Variants in KDM4C observed in about 807,000 individuals in gnomAD.
The protein encoded by KDM4C is lysine demethylase 4C, also known as lysine-specific demethylase 4C.
KDM4C carries 81 observed loss-of-function variants against 129.3 expected under a neutral mutation model. That is an observed-to-expected ratio of 0.63 (90% CI 0.52 to 0.75). The LOEUF is 0.75. KDM4C is among the 30% of genes least tolerant of loss of function. KDM4C has a pLI of 0.00. For missense variants in KDM4C, 1,457 were observed against 1,304.0 expected (o/e 1.12, Z -1.81); for synonymous variants, 573 against 456.1 (o/e 1.26, Z -3.26).
intron 2 of KDM4C, among the ~76,000 whole-genome samples, chr9:6,800,399 C>G (rs1295647683): frequency 6.6e-6 from 1 of 151,464 alleles, no homozygotes; most frequent in African/African-American, 2.4e-5. Flanking sequence ...ATTAACTGAG[C>G]GTAGGAGCAT....
chr9:6,833,251 T>A (rs572851958), intron 4 of KDM4C, among the ~76,000 whole-genome samples: 484 of 152,188 alleles, frequency 3.2e-3, no homozygotes, highest in Middle Eastern at 0.017. Context: ...CTATTTTTTT[T>A]AAAAAACAGA....
intron 5 of KDM4C, among the ~76,000 whole-genome samples, chr9:6,874,043 T>C (rs1843203347): frequency 6.6e-6 from 1 of 152,124 alleles, no homozygotes; most frequent in Non-Finnish European, 1.5e-5. Flanking sequence ...GGGCATGGTT[T>C]GTGGTGCCCC....
intron 1 of KDM4C, among the ~76,000 whole-genome samples, chr9:6,759,953 A>C (rs1198164447): frequency 1.5e-5 from 2 of 136,040 alleles, no homozygotes; most frequent in East Asian, 2.0e-4. Flanking sequence ...AAAAAAAAAA[A>C]AGTAAAAATA....
chr9:6,834,483 G>A (rs1329107383), intron 4 of KDM4C: 17 of 594,732 alleles, frequency 2.9e-5, no homozygotes, highest in Middle Eastern at 4.9e-4. Flanking sequence ...TACGCCCGTC[G>A]TCGACAACGG....
rs1379885763 is a variant in KDM4C, at chr9:6,834,841, C to A, written c.436-14666C>A. The A allele has an allele frequency of 3.6e-6, 5 of 1,381,992 alleles. No individual in the cohort carries two copies. The African/African-American group carries it at 4.3e-5, about 12-fold the overall frequency. 85.6% of individuals were successfully genotyped at this position (1,381,992 alleles called of 1,614,324 possible). ...AGATCATGTTTGAGACCTTCATCAC[C>A]CCAGCCATGTACATGGCCATCCAGC... is the stretch of plus-strand genomic sequence containing the variant. On this transcript the variant is annotated intron_variant, in intron 4 of 21. Coordinates refer to ENST00000381309, the MANE Select transcript of KDM4C (RefSeq NM_015061.6).
chr9:7,088,682 T>C (rs1435816156), intron 17 of KDM4C, among the ~76,000 whole-genome samples: 3 of 152,194 alleles, frequency 2.0e-5, no homozygotes, highest in Non-Finnish European at 2.9e-5. Context: ...GTATTCCGTA[T>C]GTGAGAGATT....
At chr9:6,856,508 G>A (rs1448751735) in intron 5 of KDM4C, among the ~76,000 whole-genome samples, 1 of 150,200 alleles carries the variant, frequency 6.7e-6, no homozygotes, top group Non-Finnish European at 1.5e-5. Flanking sequence ...ATAGGTTATT[G>A]ATTAGTTTTA....
intron 2 of KDM4C, 74 bp from the exon 3 acceptor site, chr9:6,805,525 T>C: frequency 9.9e-7 from 1 of 1,013,706 alleles, no homozygotes; most frequent in Non-Finnish European, 1.4e-6. Flanking sequence ...AGTTGTAGTT[T>C]ATCAGAATAC....
intron 8 of KDM4C, among the ~76,000 whole-genome samples, chr9:6,904,867 G>T (rs1446245621): frequency 6.6e-6 from 1 of 152,070 alleles, no homozygotes; most frequent in Non-Finnish European, 1.5e-5. Flanking sequence ...TTGTGGCAAT[G>T]GGAAATTAAA....
At chr9:6,766,791 G>A (rs887344435) in intron 1 of KDM4C, among the ~76,000 whole-genome samples, 14 of 151,314 alleles carry the variant, frequency 9.3e-5, no homozygotes, top group African/African-American at 3.4e-4. Flanking sequence ...TTAACCTGCT[G>A]GGCTTCCCTG....
At chr9:7,075,129 T>C (rs1044261455) in intron 17 of KDM4C, among the ~76,000 whole-genome samples, 4 of 152,200 alleles carry the variant, frequency 2.6e-5, no homozygotes, top group African/African-American at 9.7e-5. Flanking sequence ...GGGCATGATA[T>C]GCAGTCAGTC....
chr9:7,038,949 T>C (rs1389524062), intron 15 of KDM4C, among the ~76,000 whole-genome samples: 2 of 152,048 alleles, frequency 1.3e-5, no homozygotes, highest in Non-Finnish European at 2.9e-5. Context: ...AAAAATATTT[T>C]CCAGAAAACA....
chr9:7,164,167 G>A (rs376368832), intron 19 of KDM4C, among the ~76,000 whole-genome samples: 1 of 152,116 alleles, frequency 6.6e-6, no homozygotes, highest in African/African-American at 2.4e-5. Context: ...TAAAATACCA[G>A]TATTAGCAAA....
intron 19 of KDM4C, among the ~76,000 whole-genome samples, chr9:7,139,748 A>G (rs1024131082): frequency 1.3e-5 from 2 of 151,986 alleles, no homozygotes; most frequent in African/African-American, 4.8e-5. Context: ...CCTTTTTTCT[A>G]TATTATTTAT....
intron 8 of KDM4C, chr9:6,925,275 A>G (rs2890732): frequency 0.37 from 366,715 of 983,876 alleles, 69,605 homozygotes; most frequent in South Asian, 0.56. Flanking sequence ...GGAGGTAGTT[A>G]CTATGGGAAA....
intron 1 of KDM4C, among the ~76,000 whole-genome samples, chr9:6,764,616 C>T (rs542952731): frequency 6.8e-4 from 104 of 152,264 alleles, no homozygotes; most frequent in African/African-American, 2.4e-3. Context: ...AACTGTTGCA[C>T]TGTATACTGT....
intron 8 of KDM4C, among the ~76,000 whole-genome samples, chr9:6,961,824 T>C (rs533831442): frequency 6.6e-5 from 10 of 152,346 alleles, no homozygotes; most frequent in African/African-American, 2.4e-4. Context: ...TTGCATCTTC[T>C]CAATAGAAAT....
intron 17 of KDM4C, among the ~76,000 whole-genome samples, chr9:7,069,798 G>A (rs1001072755): frequency 6.6e-6 from 1 of 152,162 alleles, no homozygotes; most frequent in African/African-American, 2.4e-5. Flanking sequence ...GTAATGTATT[G>A]TGGTTTATAG....
intron 8 of KDM4C, among the ~76,000 whole-genome samples, chr9:6,898,477 AT>A (rs1388935610): frequency 8.5e-5 from 13 of 152,210 alleles, no homozygotes; most frequent in Middle Eastern, 3.2e-3. Flanking sequence ...TTTTATTTTA[AT>A]TTTAAGTGAT....
Sources: allele counts gnomAD v4.1 joint callset (sites outside exome capture counted in the v4.1 genomes callset), GRCh38; gene constraint gnomAD v4.1.1; transcripts MANE v1.5; gene names NCBI Gene and HGNC (gene_info 2026-07-23, HGNC 2026-07-21).